Variants in FKBP1A observed in about 807,000 individuals in gnomAD.
FKBP1A encodes the protein FKBP prolyl isomerase 1A, also known as peptidyl-prolyl cis-trans isomerase FKBP1A.
FKBP1A carries 5 observed loss-of-function variants against 14.2 expected under a neutral mutation model. That is an observed-to-expected ratio of 0.35 (90% CI 0.18 to 0.74). The LOEUF (loss-of-function observed/expected upper bound fraction) is 0.74, where lower values mean the gene tolerates loss of function less well. Among genes scored for constraint, FKBP1A ranks in the 30% least tolerant of loss-of-function variants. The pLI is 0.56. For missense variants in FKBP1A, 53 were observed against 138.8 expected, an observed-to-expected ratio of 0.38 and a Z score of 3.10; for synonymous variants, 42 against 49.1, an observed-to-expected ratio of 0.86 and a Z score of 0.60.
At chr20:1,372,030 G>C in intron 4 of FKBP1A, 46 bp downstream of exon 4, 1 of 1,583,136 alleles carries the variant, frequency 6.3e-7, no homozygotes, top group Non-Finnish European at 8.6e-7. Flanking sequence ...CATAACATGG[G>C]AGGAGCAAAG....
At chr20:1,372,036 C>G (rs931978249) in intron 4 of FKBP1A, 40 bp downstream of exon 4, 12 of 1,590,730 alleles carry the variant, frequency 7.5e-6, no homozygotes, top group Admixed American at 1.7e-5. Context: ...ATGGGAGGAG[C>G]AAAGGCAGTG....
In FKBP1A at chr20:1,370,058, C is replaced by T. The variant is rs1280881535; in HGVS notation, c.*51G>A. 22 of 1,549,650 alleles carry T rather than the reference C, an allele frequency of 1.4e-5. No individual in the cohort carries two copies. The highest frequency in any genetic ancestry group is 1.8e-5 in the Non-Finnish European group (21 of 1,146,918). ...GTGCACATGTCTGGAGGCACCAGAT[C>T]CCTCCATGGCAGATCTGTTGGGGAC... On this transcript the variant is annotated 3_prime_UTR_variant, in exon 5 of 5. Transcript: ENST00000400137.
At position 1,369,789 on chromosome 20, in the gene FKBP1A, T is replaced by C. The variant is rs916670187; in HGVS notation, c.*320A>G. On this transcript the variant is annotated 3_prime_UTR_variant, in exon 5 of 5. Coordinates refer to ENST00000400137, the MANE Select transcript of FKBP1A (RefSeq NM_000801.5). ...CACTTGTGCTGTTAATACTTGACCATGTACTTAATTGGAAACCTATATCCA... is the reference window on the plus strand; with the variant it reads ...CACTTGTGCTGTTAATACTTGACCACGTACTTAATTGGAAACCTATATCCA... The C allele has an allele frequency of 1.0e-5, 4 of 386,534 alleles. No homozygotes were observed. Among genetic ancestry groups the C allele is most frequent in the East Asian group, 4.5e-5 (1 of 22,370 alleles). The allele number at this position is 386,534 out of a possible 1,614,324, so 23.9% of individuals were successfully genotyped here.
chr20:1,370,058 C>A lies in FKBP1A; in HGVS notation c.*51G>T. ...GTGCACATGTCTGGAGGCACCAGAT[C>A]CCTCCATGGCAGATCTGTTGGGGAC... On this transcript the variant is annotated 3_prime_UTR_variant, in exon 5 of 5. Transcript: ENST00000400137. The A allele has an allele frequency of 6.5e-7, 1 of 1,549,768 alleles. No individual in the cohort carries two copies. Among genetic ancestry groups the A allele is most frequent in the East Asian group, 2.4e-5 (1 of 40,916 alleles).
intron 2 of FKBP1A, among the ~76,000 whole-genome samples, chr20:1,392,406 G>A (rs915230615): frequency 6.6e-6 from 1 of 152,222 alleles, no homozygotes; most frequent in Non-Finnish European, 1.5e-5. Flanking sequence ...AGGGATGGAA[G>A]TGGGGGCAGG....
chr20:1,392,714 C>A, intron 2 of FKBP1A, 120 bp downstream of exon 2: 2 of 638,332 alleles, frequency 3.1e-6, no homozygotes, highest in African/African-American at 1.9e-5. Flanking sequence ...TCGGGCCATG[C>A]GGACCTCGCC....
intron 2 of FKBP1A, among the ~76,000 whole-genome samples, chr20:1,388,827 A>C (rs948951436): frequency 6.6e-6 from 1 of 150,502 alleles, no homozygotes; most frequent in Admixed American, 6.6e-5. Flanking sequence ...GTTTTTATAA[A>C]AACCAACGAG....
rs2089759866 is a variant in FKBP1A, at chr20:1,392,946, G to A, written c.37+16C>T. On this transcript the variant is annotated intron_variant, in intron 1 of 4. Transcript: ENST00000400137. ...GGCGGCAGAGGTACTCCGAGCCGCC[G>A]CGCGCCACTACTCACCGTCTCCTGG... 6.0e-6 allele frequency: 4 copies of A among 663,418 alleles called. No individual in the cohort carries two copies. In the East Asian group the frequency reaches 1.7e-4, roughly 29 times the overall value. The allele number at this position is 663,418 out of a possible 1,614,324, so 41.1% of individuals were successfully genotyped here. A position where few individuals can be genotyped will look rare whatever the true frequency, so the allele number is the denominator to read the frequency against.
chr20:1,375,316 A>T, intron 3 of FKBP1A, 175 bp downstream of exon 3: 2 of 614,720 alleles, frequency 3.3e-6, no homozygotes, highest in Non-Finnish European at 5.9e-6. Context: ...TGCTTAAACC[A>T]CAGTACAAGA....
intron 2 of FKBP1A, among the ~76,000 whole-genome samples, chr20:1,384,269 CA>C (rs2089647426): frequency 6.6e-6 from 1 of 152,114 alleles, no homozygotes; most frequent in South Asian, 2.1e-4. Flanking sequence ...AGTGTGAATA[CA>C]AACAGCGGTT....
At position 1,386,814 on chromosome 20, in the gene FKBP1A, C is replaced by T. The variant is rs80210656; in HGVS notation, c.85+6020G>A. On this transcript the variant is annotated intron_variant, in intron 2 of 4. Coordinates refer to ENST00000400137, the MANE Select transcript of FKBP1A (RefSeq NM_000801.5). This position sits in a 1 kb window ranked among gnomAD's most constrained non-coding sequence, Gnocchi z 4.7. ...AGCATCTAAGAACTGGTTATTTCTA[C>T]CTCCCCGACTTTCTGCACTGCTAGA... Among the ~76,000 whole-genome samples, 21 of 152,276 alleles carry T rather than the reference C, an allele frequency of 1.4e-4. No individual in the cohort carries two copies. The highest frequency in any genetic ancestry group is 2.8e-4 in the Non-Finnish European group (19 of 68,022).
At chr20:1,370,993 CAG>C (rs565675117) in intron 4 of FKBP1A, 235 of 985,416 alleles carry the variant, frequency 2.4e-4, no homozygotes, top group East Asian at 1.1e-3. Context: ...GTGGTTCAAA[CAG>C]AGAGTTTAAA....
rs939826179 is a variant in FKBP1A, at chr20:1,369,392, AAG to A, written c.*715_*716del. The A allele has an allele frequency of 1.8e-5, 3 of 166,346 alleles. No individual in the cohort carries two copies. Among genetic ancestry groups the A allele is most frequent in the African/African-American group, 7.3e-5 (3 of 41,206 alleles). 10.3% of individuals were successfully genotyped at this position (166,346 alleles called of 1,614,324 possible). ...AAAAACCACAGGATGAAAAAAAAAA[AAG>A]GCCACAAAGAAGGCTTCAGAGGTCC... On this transcript the variant is annotated 3_prime_UTR_variant, in exon 5 of 5. Coordinates refer to ENST00000400137, the MANE Select transcript of FKBP1A (RefSeq NM_000801.5).
chr20:1,369,863 A>AG lies in FKBP1A; in HGVS notation c.*245_*246insC. ...CCCAAAATGAAAACAAAATAAAATG[A>AG]ATAACTTGAGGTTTATGGCATATAG... On this transcript the variant is annotated 3_prime_UTR_variant, in exon 5 of 5. Coordinates refer to ENST00000400137, the MANE Select transcript of FKBP1A (RefSeq NM_000801.5). 1.5e-6 allele frequency: 1 copy of AG among 657,400 alleles called. No homozygotes were observed. The highest frequency in any genetic ancestry group is 2.4e-6 in the Non-Finnish European group (1 of 409,020). The allele number at this position is 657,400 out of a possible 1,614,324, so 40.7% of individuals were successfully genotyped here. A position where few individuals can be genotyped will look rare whatever the true frequency, so the allele number is the denominator to read the frequency against.
At chr20:1,383,335 G>T (rs2089636289) in intron 2 of FKBP1A, among the ~76,000 whole-genome samples, 2 of 138,946 alleles carry the variant, frequency 1.4e-5, no homozygotes, top group South Asian at 2.2e-4. Context: ...CAAAATATGG[G>T]AAGTTTTAAG....
intron 3 of FKBP1A, chr20:1,373,301 C>A (rs2089493795): frequency 6.6e-6 from 1 of 152,138 alleles, no homozygotes; most frequent in African/African-American, 2.4e-5. Flanking sequence ...TAGGCATATC[C>A]ACACCAGGGA....
intron 4 of FKBP1A, chr20:1,370,504 A>C: frequency 2.0e-6 from 2 of 982,880 alleles, no homozygotes; most frequent in Non-Finnish European, 2.4e-6. Context: ...AAGTCTTAAA[A>C]ATTTCCCAGG....
In FKBP1A at chr20:1,372,256, G is replaced by C. The variant is rs1415702008; in HGVS notation, c.199-16C>G. 2.5e-6 allele frequency: 4 copies of C among 1,613,108 alleles called. No individual in the cohort carries two copies. The South Asian group carries it at 3.3e-5, about 13-fold the overall frequency. ...CCACACTCATCTGTGAAAAGAACAA[G>C]GAAGACAGACTCAGCTGGACACATG... On this transcript the variant is annotated splice_polypyrimidine_tract_variant and intron_variant, in intron 3 of 4. Coordinates refer to ENST00000400137, the MANE Select transcript of FKBP1A (RefSeq NM_000801.5).
chr20:1,371,632 C>T, intron 4 of FKBP1A: 2 of 811,128 alleles, frequency 2.5e-6, no homozygotes, highest in South Asian at 5.6e-5. Flanking sequence ...GAAGAGAGAG[C>T]CGCAGAAGCT....
Sources: allele counts gnomAD v4.1 joint callset (sites outside exome capture counted in the v4.1 genomes callset), GRCh38; gene constraint gnomAD v4.1.1; non-coding constraint Gnocchi (gnomAD v3.1); transcripts MANE v1.5; gene names NCBI Gene and HGNC (gene_info 2026-07-23, HGNC 2026-07-21).